The following EZH2 variants were observed in gnomAD, a reference collection of about 807,000 sequenced individuals.
EZH2 encodes enhancer of zeste 2 polycomb repressive complex 2 subunit, also known as histone-lysine N-methyltransferase EZH2.
A neutral mutation model predicts 98.4 loss-of-function variants in EZH2; 18 were observed. The ratio of observed to expected loss-of-function variants is 0.18; its 90% CI spans 0.13 to 0.27. EZH2 has a LOEUF of 0.27. EZH2 is among the 10% of genes least tolerant of loss of function. The pLI, the probability that EZH2 is intolerant of heterozygous loss-of-function variation, is 1.00. For missense variants in EZH2, 470 were observed against 935.1 expected, an observed-to-expected ratio of 0.50 and a Z score of 6.49; for synonymous variants, 338 against 312.3, an observed-to-expected ratio of 1.08 and a Z score of -0.87.
chr7:148,835,312 A>T (rs975044463), intron 3 of EZH2, among the ~76,000 whole-genome samples: 1 of 151,908 alleles, frequency 6.6e-6, no homozygotes, highest in Non-Finnish European at 1.5e-5. Flanking sequence ...AGTCCCAGCT[A>T]CTTGAGGGGC....
intron 1 of EZH2, among the ~76,000 whole-genome samples, chr7:148,881,999 CAT>C (rs1491008577): frequency 7.9e-5 from 11 of 138,698 alleles, no homozygotes; most frequent in African/African-American, 2.1e-4. Context: ...CACACACACA[CAT>C]ATGTATCCTA....
chr7:148,850,651 T>C (rs1451635405), intron 1 of EZH2, among the ~76,000 whole-genome samples: 1 of 152,224 alleles, frequency 6.6e-6, no homozygotes, highest in Non-Finnish European at 1.5e-5. Context: ...CTATTCCCAC[T>C]GTAAGTGCTT....
chr7:148,829,481 C>T (rs1395349472), intron 5 of EZH2, among the ~76,000 whole-genome samples: 1 of 152,124 alleles, frequency 6.6e-6, no homozygotes, highest in Admixed American at 6.5e-5. Context: ...CATGTTATTG[C>T]CATTATGTTA....
intron 3 of EZH2, among the ~76,000 whole-genome samples, chr7:148,842,432 T>C (rs1812693608): frequency 6.6e-6 from 1 of 152,176 alleles, no homozygotes; most frequent in African/African-American, 2.4e-5. Flanking sequence ...ACTACCAATA[T>C]GAAGACCTAC....
intron 3 of EZH2, among the ~76,000 whole-genome samples, chr7:148,833,041 T>C (rs945534747): frequency 6.6e-6 from 1 of 152,198 alleles, no homozygotes; most frequent in African/African-American, 2.4e-5. Flanking sequence ...GCGATCTGAT[T>C]AACTCCTCCA....
chr7:148,857,538 G>C (rs1817009510), intron 1 of EZH2, among the ~76,000 whole-genome samples: 1 of 151,986 alleles, frequency 6.6e-6, no homozygotes, highest in South Asian at 2.1e-4. Context: ...GATCACGTAA[G>C]TCAGGAGTTC....
At position 148,854,329 on chromosome 7, in the gene EZH2, G is replaced by A. The variant is rs149517994; in HGVS notation, c.-7-7024C>T. Among the ~76,000 whole-genome samples the A allele has an allele frequency of 7.3e-3, 1,111 of 151,750 alleles. 15 individuals carry two copies. Among genetic ancestry groups the A allele is most frequent in the African/African-American group, 0.026 (1,076 of 41,190 alleles). On this transcript the variant is annotated intron_variant, in intron 1 of 19. Transcript: ENST00000320356. ...CGGGCACCTGTAGTCCCAGCTACTC[G>A]GGATGCTGAGGCAGGAGAATGGCGT...
intron 13 of EZH2, among the ~76,000 whole-genome samples, 166 bp downstream of exon 13, chr7:148,815,340 T>C (rs537205228): frequency 3.0e-4 from 45 of 152,272 alleles, no homozygotes; most frequent in Admixed American, 1.2e-3. Flanking sequence ...CAGAAGAGAA[T>C]TGACTGGGGA....
chr7:148,813,054 C>CACACAT (rs747973456), intron 15 of EZH2, among the ~76,000 whole-genome samples: 1 of 93,772 alleles, frequency 1.1e-5, no homozygotes, highest in East Asian at 2.3e-4. Context: ...ACCCCACATA[C>CACACAT]ACACACACAC....
chr7:148,842,883 T>C (rs186109805), intron 3 of EZH2, among the ~76,000 whole-genome samples: 24 of 151,952 alleles, frequency 1.6e-4, no homozygotes, highest in Non-Finnish European at 1.0e-4. Context: ...CTGGAAAACA[T>C]GGTATGACCC....
chr7:148,808,967 G>C, intron 19 of EZH2, 104 bp downstream of exon 19: 9 of 818,396 alleles, frequency 1.1e-5, no homozygotes, highest in Non-Finnish European at 6.1e-6. Context: ...ATGGCAAAGT[G>C]ACCCATCAAA....
At chr7:148,834,364 C>CATATATATATAT (rs1563260319) in intron 3 of EZH2, among the ~76,000 whole-genome samples, 87 of 149,220 alleles carry the variant, frequency 5.8e-4, no homozygotes, top group African/African-American at 2.1e-3. Flanking sequence ...CACACACACA[C>CATATATATATAT]ACACACACAC....
chr7:148,807,723 G>A lies in EZH2; in HGVS notation c.2196-17C>T. 1 of 1,576,940 alleles carries A rather than the reference G, an allele frequency of 6.3e-7. No individual in the cohort carries two copies. Among genetic ancestry groups the A allele is most frequent in the Non-Finnish European group, 8.6e-7 (1 of 1,160,394 alleles). ...TGGCTGTATCTGAAACAACAGGAAG[G>A]AGATGTCCGCTGGATGGCCACCCAT... is the stretch of plus-strand genomic sequence containing the variant. On this transcript the variant is annotated splice_polypyrimidine_tract_variant and intron_variant, in intron 19 of 19. Coordinates refer to ENST00000320356, the MANE Select transcript of EZH2 (RefSeq NM_004456.5).
intron 1 of EZH2, among the ~76,000 whole-genome samples, chr7:148,866,029 G>A (rs1330893505): frequency 9.9e-5 from 15 of 152,076 alleles, no homozygotes; most frequent in East Asian, 1.9e-4. Flanking sequence ...GGCTTATGTC[G>A]GCCCCACAGT....
At chr7:148,820,909 A>G (rs1805874386) in intron 8 of EZH2, 1 of 152,184 alleles carries the variant, frequency 6.6e-6, no homozygotes. Context: ...GTAAAGAATA[A>G]TTTTCTAAAA....
intron 3 of EZH2, among the ~76,000 whole-genome samples, chr7:148,842,337 G>C (rs979511040): frequency 2.6e-5 from 4 of 152,148 alleles, no homozygotes; most frequent in Non-Finnish European, 4.4e-5. Context: ...GTACGAAAAA[G>C]AAATACATTA....
chr7:148,846,681 T>C, intron 2 of EZH2, 83 bp from the exon 3 acceptor site: 1 of 1,221,550 alleles, frequency 8.2e-7, no homozygotes, highest in Non-Finnish European at 1.1e-6. Flanking sequence ...AGGTTAAAAA[T>C]CTAGTGTATC....
chr7:148,864,662 G>A, intron 1 of EZH2, among the ~76,000 whole-genome samples: 1 of 138,780 alleles, frequency 7.2e-6, no homozygotes, highest in South Asian at 2.2e-4. Context: ...TCCAGCCTGG[G>A]CAATCACAGT....
At chr7:148,851,020 G>A (rs1418792765) in intron 1 of EZH2, among the ~76,000 whole-genome samples, 2 of 152,088 alleles carry the variant, frequency 1.3e-5, no homozygotes, top group Non-Finnish European at 2.9e-5. Context: ...ACCTTAGAAG[G>A]TGAAATTGTA....
Sources: gnomAD v4.1 joint callset for allele counts (sites outside exome capture counted in the v4.1 genomes callset) on GRCh38, gnomAD v4.1.1 for gene constraint, MANE v1.5 for transcripts, NCBI Gene and HGNC (gene_info 2026-07-23, HGNC 2026-07-21) for gene names.